Variants in HSPG2 observed in about 807,000 individuals in gnomAD.
HSPG2 encodes the protein basement membrane-specific heparan sulfate proteoglycan core protein.
In HSPG2, 278 loss-of-function variants were observed where a neutral mutation model predicts 526.6. The ratio of observed to expected loss-of-function variants is 0.53; its 90% confidence interval spans 0.48 to 0.58. The LOEUF (loss-of-function observed/expected upper bound fraction) is 0.58, where lower values mean the gene tolerates loss of function less well. HSPG2 is among the 20% of genes least tolerant of loss of function. HSPG2 has a pLI of 0.00. For synonymous variants in HSPG2, 2,465 were observed against 2,555.4 expected (o/e 0.96, Z 1.07); for missense variants, 5,354 against 6,099.5 (o/e 0.88, Z 4.07).
rs561392976 is a variant in HSPG2 at position 21,857,167 on chromosome 1, C to T, written c.5423G>A (p.Arg1808His). 161 of 1,614,034 alleles carry T rather than the reference C, an allele frequency of 1.0e-4. 1 individual carries two copies. In the South Asian group the frequency reaches 1.5e-3, roughly 15 times the overall value. ...GGTGGGCAGTTTCCCGTTGTGCAGG[C>T]GGGTCCACACCAGGGTATAGGCTGG... Reference protein sequence around the residue: ...KSPAYTLVWTRLHNGKLPTRA... With the variant: ...KSPAYTLVWTHLHNGKLPTRA... The change falls in exon 44 of 97, where the codon CGC (arginine) becomes CAC (histidine). Residue 1808 changes from arginine (R) to histidine (H), a missense_variant. By Grantham distance (29) the Arg-to-His change is conservative. Coordinates refer to ENST00000374695, the MANE Select transcript of HSPG2 (RefSeq NM_005529.7).
At position 21,864,758 on chromosome 1, in the gene HSPG2, A is replaced by C; in HGVS notation, c.4626+85T>G. On this transcript the variant is annotated intron_variant, in intron 36 of 96. Coordinates refer to ENST00000374695, the MANE Select transcript of HSPG2 (RefSeq NM_005529.7). This position sits in a 1 kb window ranked among gnomAD's most constrained non-coding sequence, Gnocchi z 4.8. ...CAGGGGTCATTATAGTTATGATGGT[A>C]ATCAAGGCTGCGGCGACGCCGGCTG... is the stretch of plus-strand genomic sequence containing the variant. The C allele has an allele frequency of 9.0e-7, 1 of 1,112,916 alleles. No individual in the cohort carries two copies. The highest frequency in any genetic ancestry group is 1.3e-6 in the Non-Finnish European group (1 of 753,040). 68.9% of individuals were successfully genotyped at this position (1,112,916 alleles called of 1,614,324 possible).
At chr1:21,838,558 C>T (rs1239094353) in intron 74 of HSPG2, among the ~76,000 whole-genome samples, 1 of 152,190 alleles carries the variant, frequency 6.6e-6, no homozygotes, top group Non-Finnish European at 1.5e-5. Flanking sequence ...GGCTGGGGTG[C>T]TTATGTACAC....
chr1:21,888,188 A>G (rs914302666), intron 6 of HSPG2, 122 bp from the exon 7 acceptor site: 1 of 1,293,720 alleles, frequency 7.7e-7, no homozygotes, highest in African/African-American at 1.5e-5. Context: ...GGTTTCTGGC[A>G]GGCACAACGA....
rs1329960157 is a variant in HSPG2, at chr1:21,854,664, G to A, written c.6235C>T (p.His2079Tyr). The A allele has an allele frequency of 1.2e-6, 2 of 1,602,842 alleles. No individual in the cohort carries two copies. Among genetic ancestry groups the A allele is most frequent in the Non-Finnish European group, 1.7e-6 (2 of 1,174,680 alleles). ...DLNCVVAGSAHAQVTWYRRGG... is the reference protein window; with the variant it reads ...DLNCVVAGSAYAQVTWYRRGG... ...CGCCTGTACCAGGTGACCTGGGCAT[G>A]GGCTGACCCTGCCACCACACAGTTG... is the stretch of plus-strand genomic sequence containing the variant. The change falls in exon 49 of 97, where the codon CAT becomes TAT. Residue 2079 changes from histidine to tyrosine, a missense_variant. Transcript: ENST00000374695.
intron 1 of HSPG2, among the ~76,000 whole-genome samples, chr1:21,935,211 A>C (rs1319349672): frequency 6.6e-6 from 1 of 152,086 alleles, no homozygotes; most frequent in Non-Finnish European, 1.5e-5. Context: ...GGCCTGAAAA[A>C]CTTTTTAAAA....
chr1:21,865,761 C>G lies in HSPG2; in HGVS notation c.4270G>C (p.Gly1424Arg). Residue 1424 changes from glycine (G) to arginine (R), a missense_variant, in exon 34 of 97, where the codon GGC becomes CGC. Transcript: ENST00000374695. The surrounding 1 kb of genome is among the most constrained non-coding windows in gnomAD (Gnocchi z 5.4). ...KLRYTLSYTA[G>R]PQGSPLSDPD... is the part of the protein sequence containing the mutation. ...TCAGAGAGTGGGCTGCCCTGTGGGCCTGCTGTGTAGGAGAGGGTGTATCGC... is the reference window on the plus strand; with the variant it reads ...TCAGAGAGTGGGCTGCCCTGTGGGCGTGCTGTGTAGGAGAGGGTGTATCGC... 1 of 1,613,888 alleles carries G rather than the reference C, an allele frequency of 6.2e-7. No homozygotes were observed. The highest frequency in any genetic ancestry group is 8.5e-7 in the Non-Finnish European group (1 of 1,179,998).
At chr1:21,827,799 G>A in intron 91 of HSPG2, 64 bp downstream of exon 91, 1 of 1,492,306 alleles carries the variant, frequency 6.7e-7, no homozygotes, top group Non-Finnish European at 9.1e-7. Flanking sequence ...AGAATTGAGG[G>A]TGTGGGGTAA....
chr1:21,864,868 G>C lies in HSPG2; in HGVS notation c.4601C>G (p.Pro1534Arg), dbSNP rs142736845. 2,593 of 1,610,498 alleles carry C rather than the reference G, an allele frequency of 1.6e-3. 7 individuals are homozygous for C. Among genetic ancestry groups the C allele is most frequent in the Admixed American group, 2.6e-3 (156 of 59,892 alleles). Residue 1534 changes from proline to arginine, a missense_variant, in exon 36 of 97, where the codon CCA becomes CGA. Transcript: ENST00000374695. This position sits in a 1 kb window ranked among gnomAD's most constrained non-coding sequence, Gnocchi z 4.8. ...CTGGCAGGACAGACCGATGTAGCCT[G>C]GCGGGCAGCGGCACTCCTCCACCTC... is the stretch of plus-strand genomic sequence containing the variant. The part of the protein sequence containing the change: ...ALEVEECRCP[P>R]GYIGLSCQDC...
rs993133044 is a variant in HSPG2, at chr1:21,880,424, T to C, written c.2134A>G (p.Met712Val). The change falls in exon 16 of 97, where the codon ATG becomes GTG. Residue 712 changes from methionine (M) to valine (V), a missense_variant. By Grantham distance (21) the Met-to-Val change is conservative. Coordinates refer to ENST00000374695, the MANE Select transcript of HSPG2 (RefSeq NM_005529.7). ...MASVGLSDIAMDTTVTHATSH... is the reference protein window; with the variant it reads ...MASVGLSDIAVDTTVTHATSH... ...GTGGCATGGGTGACGGTGGTATCCA[T>C]GGCGATGTCGCTAAGTCCCACGCTG... The C allele has an allele frequency of 5.0e-6, 8 of 1,614,012 alleles. No homozygotes were observed. In the South Asian group the frequency reaches 7.7e-5, roughly 16 times the overall value.
chr1:21,858,919 T>G lies in HSPG2; in HGVS notation c.5293+647A>C, dbSNP rs1441299946. 6.6e-6 allele frequency among the ~76,000 whole-genome samples: 1 copy of G among 151,910 alleles called. No homozygotes were observed. Among genetic ancestry groups the G allele is most frequent in the Admixed American group, 6.6e-5 (1 of 15,246 alleles). ...TTTTACACCGGCTCCCTTTAAAAGC[T>G]TCCTCGGTTGTACTAAGCAACAACT... is the stretch of plus-strand genomic sequence containing the variant. On this transcript the variant is annotated intron_variant, in intron 42 of 96. Coordinates refer to ENST00000374695, the MANE Select transcript of HSPG2 (RefSeq NM_005529.7). The surrounding 1 kb of genome is among the most constrained non-coding windows in gnomAD (Gnocchi z 4.2).
chr1:21,919,221 T>C (rs1569594621), intron 1 of HSPG2, among the ~76,000 whole-genome samples: 1 of 151,220 alleles, frequency 6.6e-6, no homozygotes, highest in Non-Finnish European at 1.5e-5. Context: ...AGGTCGGGAG[T>C]TTGAGACCAG....
rs1388680180 is a variant in HSPG2, at chr1:21,864,580, A to G, written c.4626+263T>C. Among the ~76,000 whole-genome samples the G allele has an allele frequency of 2.0e-5, 3 of 152,178 alleles. No individual in the cohort carries two copies. The highest frequency in any genetic ancestry group is 2.0e-4 in the Admixed American group (3 of 15,282). On this transcript the variant is annotated intron_variant, in intron 36 of 96. Transcript: ENST00000374695. This position sits in a 1 kb window ranked among gnomAD's most constrained non-coding sequence, Gnocchi z 4.8. ...TAGGACATGCTAGGCTTTGGAGTCA[A>G]TCAGACCCAGGTTCAAATTAGTTTC...
intron 1 of HSPG2, among the ~76,000 whole-genome samples, chr1:21,915,164 G>A (rs920836887): frequency 6.6e-6 from 1 of 151,738 alleles, no homozygotes; most frequent in African/African-American, 2.4e-5. Context: ...CAGCACACTT[G>A]GCGCCCTGAT....
At chr1:21,929,862 C>T (rs1051958505) in intron 1 of HSPG2, among the ~76,000 whole-genome samples, 8 of 152,152 alleles carry the variant, frequency 5.3e-5, no homozygotes, top group African/African-American at 1.7e-4. Context: ...TCAACCATCT[C>T]CCACCTCCGT....
intron 95 of HSPG2, 152 bp from the exon 96 acceptor site, chr1:21,823,871 C>A: frequency 5.3e-6 from 4 of 755,840 alleles, no homozygotes; most frequent in Non-Finnish European, 9.1e-6. Flanking sequence ...AACGAGAGAT[C>A]GGGCCCCACA....
intron 1 of HSPG2, among the ~76,000 whole-genome samples, chr1:21,899,521 G>A (rs1238756582): frequency 6.6e-6 from 1 of 152,142 alleles, no homozygotes; most frequent in African/African-American, 2.4e-5. Context: ...GTGGAAACTG[G>A]CATGTGGCAG....
chr1:21,833,998 C>A, intron 77 of HSPG2, 73 bp from the exon 78 acceptor site: 1 of 986,878 alleles, frequency 1.0e-6, no homozygotes, highest in South Asian at 1.4e-5. Flanking sequence ...CACCCTGATT[C>A]ATTTCATCTT....
At position 21,887,126 on chromosome 1, in the gene HSPG2, G is replaced by T; in HGVS notation, c.1078+89C>A. The T allele has an allele frequency of 6.8e-7, 1 of 1,473,564 alleles. No individual in the cohort carries two copies. The highest frequency in any genetic ancestry group is 1.8e-5 in the Admixed American group (1 of 54,826). 91.3% of individuals were successfully genotyped at this position (1,473,564 alleles called of 1,614,324 possible). On this transcript the variant is annotated intron_variant, in intron 9 of 96. Transcript: ENST00000374695. This position sits in a 1 kb window ranked among gnomAD's most constrained non-coding sequence, Gnocchi z 5.0. ...GGGAGGGGGGAAAGCGGAGGGGCAGGGTAGGGGCGGGGCAGGAGTGGAAGG... is the reference window on the plus strand; with the variant it reads ...GGGAGGGGGGAAAGCGGAGGGGCAGTGTAGGGGCGGGGCAGGAGTGGAAGG...
intron 62 of HSPG2, 89 bp from the exon 63 acceptor site, chr1:21,846,688 C>G: frequency 1.4e-6 from 2 of 1,444,178 alleles, no homozygotes. Context: ...AAAATCTCAC[C>G]CCCCAGAGTA....
Sources: gnomAD v4.1 joint callset for allele counts (sites outside exome capture counted in the v4.1 genomes callset) on GRCh38, gnomAD v4.1.1 for gene constraint, Gnocchi (gnomAD v3.1) non-coding constraint, MANE v1.5 for transcripts, NCBI Gene and HGNC (gene_info 2026-07-23, HGNC 2026-07-21) for gene names.